The following PRH1 variants were observed in gnomAD, a reference collection of about 807,000 sequenced individuals.
The protein encoded by PRH1 is salivary acidic proline-rich phosphoprotein 1/2.
A neutral mutation model predicts 7.9 loss-of-function variants in PRH1; 7 were observed. The ratio of observed to expected loss-of-function variants is 0.89; its 90% CI spans 0.50 to 1.67. The LOEUF is 1.67. Ranked by LOEUF, PRH1 falls within the 40% of genes most tolerant of loss-of-function variation. The pLI is 0.00. For missense variants in PRH1, 109 were observed against 223.6 expected (o/e 0.49, Z 3.27); for synonymous variants, 45 against 80.8 (o/e 0.56, Z 2.38).
chr12:11,041,560 T>C (rs1034619181), intron 1 of PRH1, among the ~76,000 whole-genome samples: 3 of 152,190 alleles, frequency 2.0e-5, no homozygotes, highest in Non-Finnish European at 4.4e-5. Flanking sequence ...CTTTCAGCAT[T>C]GGACAGATCC....
chr12:10,936,938 A>C (rs557009838), intron 2 of PRH1, among the ~76,000 whole-genome samples: 2 of 152,254 alleles, frequency 1.3e-5, no homozygotes, highest in South Asian at 4.1e-4. Flanking sequence ...TATGTTTAGT[A>C]AACAGCCCTC....
chr12:10,962,557 GTCATC>G (rs911876840), intron 2 of PRH1, among the ~76,000 whole-genome samples: 28 of 152,300 alleles, frequency 1.8e-4, no homozygotes, highest in African/African-American at 6.5e-4. Context: ...AGATAATTCT[GTCATC>G]TCAACCAGAA....
intron 1 of PRH1, among the ~76,000 whole-genome samples, chr12:11,069,200 A>T (rs1943954912): frequency 6.6e-6 from 1 of 151,416 alleles, no homozygotes; most frequent in Non-Finnish European, 1.5e-5. Flanking sequence ...TACAGGCTTG[A>T]GCCACAGCAT....
At chr12:10,923,065 T>C (rs554347324) in intron 2 of PRH1, among the ~76,000 whole-genome samples, 1 of 150,042 alleles carries the variant, frequency 6.7e-6, no homozygotes, top group South Asian at 2.1e-4. Flanking sequence ...CCTGACCTCA[T>C]GATCCACCCG....
intron 1 of PRH1, among the ~76,000 whole-genome samples, chr12:10,984,156 T>A (rs1232256924): frequency 1.3e-5 from 2 of 152,178 alleles, no homozygotes; most frequent in East Asian, 1.9e-4. Flanking sequence ...TACAAATATA[T>A]CATTCACAAC....
intron 1 of PRH1, chr12:10,985,945 G>A (rs1565522594): frequency 1.3e-6 from 2 of 1,589,608 alleles, no homozygotes; most frequent in Non-Finnish European, 8.6e-7. Flanking sequence ...AGAGTTGAGA[G>A]TTTCAGGTCT....
intron 1 of PRH1, among the ~76,000 whole-genome samples, chr12:11,013,827 T>A (rs1018387757): frequency 6.9e-6 from 1 of 144,250 alleles, no homozygotes; most frequent in African/African-American, 2.5e-5. Flanking sequence ...GCTCCCAGCC[T>A]CAATCTGTTT....
intron 2 of PRH1, among the ~76,000 whole-genome samples, chr12:10,916,914 TA>T (rs879719632): frequency 0.015 from 2,210 of 151,258 alleles, 18 homozygotes; most frequent in South Asian, 0.028. Flanking sequence ...TAAAATAAAA[TA>T]AAATAAAAAA....
intron 2 of PRH1, among the ~76,000 whole-genome samples, chr12:10,889,693 A>AT (rs1379952134): frequency 5.9e-5 from 9 of 152,010 alleles, no homozygotes; most frequent in Non-Finnish European, 1.2e-4. Flanking sequence ...ATGATGTATA[A>AT]TTTTTTCAAT....
chr12:10,995,590 CA>C (rs1308066174), intron 1 of PRH1, among the ~76,000 whole-genome samples: 6 of 151,930 alleles, frequency 3.9e-5, no homozygotes, highest in Non-Finnish European at 1.5e-5. Flanking sequence ...TCATAGATGC[CA>C]TAGTTTCTAT....
At chr12:11,031,728 T>C (rs1302304664) in intron 1 of PRH1, among the ~76,000 whole-genome samples, 6 of 152,184 alleles carry the variant, frequency 3.9e-5, no homozygotes, top group Non-Finnish European at 8.8e-5. Context: ...CATTTTACAA[T>C]CCTCTTGCTA....
chr12:10,882,273 G>A lies in PRH1; in HGVS notation c.526C>T (p.Arg176Cys), dbSNP rs758146734. ...TGCCCCTGTGGAGGTCCTTGTGGGC[G>A]GCCCCCTTGGGGAGGTGGTCCCTGG... is the stretch of plus-strand genomic sequence containing the variant. ...KPQGPPPQGG[R>C]PQGPPQGQSP... Residue 176 changes from arginine (R) to cysteine (C), a missense_variant, in exon 3 of 4, where the codon CGC becomes TGC. Coordinates refer to ENST00000543626, the MANE Select transcript of PRH1 (RefSeq NM_001393989.1). 67 of 1,612,894 alleles carry A rather than the reference G, an allele frequency of 4.2e-5. No homozygotes were observed. Among genetic ancestry groups the A allele is most frequent in the Admixed American group, 2.2e-4 (13 of 59,916 alleles).
At chr12:10,926,399 T>C (rs1030159938) in intron 2 of PRH1, among the ~76,000 whole-genome samples, 13 of 152,338 alleles carry the variant, frequency 8.5e-5, no homozygotes, top group African/African-American at 3.1e-4. Context: ...TCCTACTTTA[T>C]ATTCCATTCA....
At chr12:10,986,405 A>T in intron 1 of PRH1, 1 of 1,613,874 alleles carries the variant, frequency 6.2e-7, no homozygotes, top group East Asian at 2.2e-5. Flanking sequence ...CTGCCCACAT[A>T]CTCTCATCCA....
At chr12:11,087,074 T>C (rs1944731987) in intron 1 of PRH1, among the ~76,000 whole-genome samples, 1 of 115,980 alleles carries the variant, frequency 8.6e-6, no homozygotes, top group South Asian at 2.4e-4. Context: ...TTACTTGATA[T>C]TTAAGATACC....
intron 2 of PRH1, among the ~76,000 whole-genome samples, chr12:10,927,698 A>G (rs1285141428): frequency 6.6e-6 from 1 of 152,206 alleles, no homozygotes; most frequent in African/African-American, 2.4e-5. Flanking sequence ...CCACCCATGC[A>G]CATCTGTCTA....
At chr12:10,946,670 T>C (rs778448078) in intron 2 of PRH1, among the ~76,000 whole-genome samples, 1 of 152,162 alleles carries the variant, frequency 6.6e-6, no homozygotes, top group Non-Finnish European at 1.5e-5. Context: ...ATTCCTTATC[T>C]TCTGCTAGCT....
exon 1 of PRH1, chr12:11,047,172 G>C: frequency 2.5e-6 from 1 of 397,632 alleles, no homozygotes; most frequent in Non-Finnish European, 5.6e-6. Context: ...GGGGCCTTGA[G>C]CCAAATGCTG....
At chr12:11,155,951 C>T (rs1197003926) in intron 1 of PRH1, among the ~76,000 whole-genome samples, 1 of 152,074 alleles carries the variant, frequency 6.6e-6, no homozygotes, top group Admixed American at 6.5e-5. Context: ...TCACCTTCAC[C>T]CCAGTCTATA....
Sources: gnomAD v4.1 joint callset for allele counts (sites outside exome capture counted in the v4.1 genomes callset) on GRCh38, gnomAD v4.1.1 for gene constraint, MANE v1.5 for transcripts, NCBI Gene and HGNC (gene_info 2026-07-23, HGNC 2026-07-21) for gene names.